Variants in MTMR6 observed in about 807,000 individuals in gnomAD.
The protein encoded by MTMR6 is myotubularin related protein 6, also known as phosphatidylinositol-3,5-bisphosphate 3-phosphatase MTMR6.
In MTMR6, 47 loss-of-function variants were observed where a neutral mutation model predicts 80.1. That is an observed-to-expected ratio of 0.59 (90% CI 0.46 to 0.75). The LOEUF is 0.75. MTMR6 is among the 30% of genes least tolerant of loss of function. MTMR6 has a pLI of 0.00. For synonymous variants in MTMR6, 254 were observed against 253.0 expected (o/e 1.00, Z -0.04); for missense variants, 629 against 730.9 (o/e 0.86, Z 1.61).
chr13:25,257,103 G>T, intron 9 of MTMR6, 93 bp downstream of exon 9: 1 of 1,322,790 alleles, frequency 7.6e-7, no homozygotes, highest in Non-Finnish European at 1.0e-6. Context: ...TTCCTTTAGT[G>T]CAAAACTGTC....
At chr13:25,252,112 C>G (rs1957102215) in intron 11 of MTMR6, 128 bp from the exon 12 acceptor site, 1 of 928,734 alleles carries the variant, frequency 1.1e-6, no homozygotes, top group Admixed American at 2.4e-5. Context: ...CTTGTATTCA[C>G]AGTCTAACCT....
intron 1 of MTMR6, among the ~76,000 whole-genome samples, chr13:25,282,471 A>G (rs1331747218): frequency 6.6e-6 from 1 of 152,192 alleles, no homozygotes; most frequent in Admixed American, 6.5e-5. Context: ...AGGAGGAGGA[A>G]GCAGCCAGAG....
In MTMR6 at chr13:25,248,582, T is replaced by TA. The variant is rs1400877541; in HGVS notation, c.*649dup. On this transcript the variant is annotated 3_prime_UTR_variant, in exon 14 of 14. Transcript: ENST00000381801. ...TGGGGCAGGCTAAACGTGAACAGTG[T>TA]ACTTCTACAAGTGTTTATATAGAAG... The TA allele has an allele frequency of 6.6e-6, 1 of 152,378 alleles. No homozygotes were observed. Among genetic ancestry groups the TA allele is most frequent in the African/African-American group, 2.4e-5 (1 of 41,434 alleles). The allele number at this position is 152,378 out of a possible 1,614,324, so 9.4% of individuals were successfully genotyped here.
At chr13:25,258,035 T>A (rs1406077281) in intron 7 of MTMR6, among the ~76,000 whole-genome samples, 190 bp from the exon 8 acceptor site, 3 of 152,198 alleles carry the variant, frequency 2.0e-5, no homozygotes, top group Non-Finnish European at 4.4e-5. Context: ...TTCCCGTGCT[T>A]ACAAAAATGC....
At chr13:25,257,346 C>T in intron 8 of MTMR6, 25 bp from the exon 9 acceptor site, 2 of 1,611,596 alleles carry the variant, frequency 1.2e-6, no homozygotes, top group Non-Finnish European at 1.7e-6. Flanking sequence ...CACATACATT[C>T]TAGCGTACTT....
In MTMR6 at chr13:25,253,524, G is replaced by C. The variant is rs549624387; in HGVS notation, c.1346+240C>G. 2.6e-5 allele frequency among the ~76,000 whole-genome samples: 4 copies of C among 152,112 alleles called. No homozygotes were observed. In the South Asian group the frequency reaches 6.2e-4, roughly 24 times the overall value. On this transcript the variant is annotated intron_variant, in intron 11 of 13. Transcript: ENST00000381801. ...AGATTTACTGAGCTTCACACTTAAC[G>C]CTCTATGTACTTTTCTGTATGTATG... is the stretch of plus-strand genomic sequence containing the variant.
intron 2 of MTMR6, among the ~76,000 whole-genome samples, chr13:25,272,571 T>C (rs915222684): frequency 6.6e-6 from 1 of 152,134 alleles, no homozygotes; most frequent in African/African-American, 2.4e-5. Context: ...AAGAGGTAGT[T>C]TTTCAACCCT....
At chr13:25,275,479 A>T (rs1324923333) in intron 1 of MTMR6, among the ~76,000 whole-genome samples, 1 of 151,918 alleles carries the variant, frequency 6.6e-6, no homozygotes, top group Non-Finnish European at 1.5e-5. Context: ...CAGGTTGCAG[A>T]CAGTTTTTTA....
intron 3 of MTMR6, 22 bp from the exon 4 acceptor site, chr13:25,266,308 A>C: frequency 6.3e-7 from 1 of 1,576,816 alleles, no homozygotes; most frequent in Non-Finnish European, 8.7e-7. Context: ...AAAATTTTAA[A>C]TGTTAAGTGC....
chr13:25,267,944 A>G lies in MTMR6; in HGVS notation c.142-3T>C. 6.3e-7 allele frequency: 1 copy of G among 1,581,958 alleles called. No homozygotes were observed. The highest frequency in any genetic ancestry group is 8.6e-7 in the Non-Finnish European group (1 of 1,164,418). ...GAGGCAATATGGTGGTGTAATATCTACAGCATGAAAAAACATCCAGGTCAT... is the reference window on the plus strand; with the variant it reads ...GAGGCAATATGGTGGTGTAATATCTGCAGCATGAAAAAACATCCAGGTCAT... On this transcript the variant is annotated splice_polypyrimidine_tract_variant and splice_region_variant and intron_variant, in intron 2 of 13. Transcript: ENST00000381801.
intron 4 of MTMR6, 87 bp from the exon 5 acceptor site, chr13:25,266,034 G>A: frequency 1.3e-6 from 2 of 1,591,286 alleles, no homozygotes; most frequent in Non-Finnish European, 1.7e-6. Context: ...TGCAAGAACA[G>A]CACATTTCAG....
At chr13:25,250,824 A>G (rs1166331181) in intron 13 of MTMR6, among the ~76,000 whole-genome samples, 4 of 152,202 alleles carry the variant, frequency 2.6e-5, no homozygotes, top group African/African-American at 4.8e-5. Flanking sequence ...AGTGAAGGGT[A>G]TATTGGCCTA....
chr13:25,252,551 A>T (rs1448951295), intron 11 of MTMR6, among the ~76,000 whole-genome samples: 4 of 152,226 alleles, frequency 2.6e-5, no homozygotes, highest in African/African-American at 7.2e-5. Flanking sequence ...AGTAAACATA[A>T]TGTAGGTATC....
At chr13:25,271,729 G>T (rs1168794690) in intron 2 of MTMR6, among the ~76,000 whole-genome samples, 3 of 152,124 alleles carry the variant, frequency 2.0e-5, no homozygotes, top group African/African-American at 7.2e-5. Flanking sequence ...CTAGAATGTT[G>T]GCTCCATGAG....
rs111636733 is a variant in MTMR6 at position 25,287,322 on chromosome 13, C to G, written c.-75G>C. ...TACAGAAACAGGGCGGTGACAGCGA[C>G]AGAGAGCAAGCGGGAACTCCCTCCA... is the stretch of plus-strand genomic sequence containing the variant. On this transcript the variant is annotated 5_prime_UTR_variant, in exon 1 of 14. Coordinates refer to ENST00000381801, the MANE Select transcript of MTMR6 (RefSeq NM_004685.5). 1.3e-3 allele frequency: 2,052 copies of G among 1,536,750 alleles called. 24 individuals carry two copies. In the African/African-American group the frequency reaches 0.025, roughly 19 times the overall value.
At chr13:25,284,036 A>G (rs1424836855) in intron 1 of MTMR6, among the ~76,000 whole-genome samples, 1 of 152,236 alleles carries the variant, frequency 6.6e-6, no homozygotes, top group East Asian at 1.9e-4. Context: ...ATTAGTATTC[A>G]GCTAAAATAC....
rs114795294 is a variant in MTMR6, at chr13:25,251,500, C to G, written c.1605+149G>C. The G allele has an allele frequency of 4.7e-6, 3 of 642,906 alleles. No individual in the cohort carries two copies. The highest frequency in any genetic ancestry group is 7.9e-6 in the Non-Finnish European group (3 of 381,436). 39.8% of individuals were successfully genotyped at this position (642,906 alleles called of 1,614,324 possible). ...ATACAAAGAAAGTGATTCGAACTAA[C>G]GTATTCAATCAAAGTAGGGATGACC... On this transcript the variant is annotated intron_variant, in intron 13 of 13. Transcript: ENST00000381801. The surrounding 1 kb of genome is among the most constrained non-coding windows in gnomAD (Gnocchi z 4.1).
At chr13:25,275,482 G>GT (rs1430025046) in intron 1 of MTMR6, among the ~76,000 whole-genome samples, 3 of 152,040 alleles carry the variant, frequency 2.0e-5, no homozygotes, top group Non-Finnish European at 4.4e-5. Flanking sequence ...GTTGCAGACA[G>GT]TTTTTTAAAT....
intron 3 of MTMR6, 84 bp from the exon 4 acceptor site, chr13:25,266,370 C>T (rs1957454327): frequency 2.6e-6 from 3 of 1,171,526 alleles, no homozygotes; most frequent in South Asian, 3.2e-5. Context: ...AGTTTTCTTC[C>T]TTCATTTTTC....
Sources: allele counts gnomAD v4.1 joint callset (sites outside exome capture counted in the v4.1 genomes callset), GRCh38; gene constraint gnomAD v4.1.1; non-coding constraint Gnocchi (gnomAD v3.1); transcripts MANE v1.5; gene names NCBI Gene and HGNC (gene_info 2026-07-23, HGNC 2026-07-21).